The following LTBP1 variants were observed in gnomAD, a reference collection of about 807,000 sequenced individuals.
LTBP1 encodes the protein latent transforming growth factor beta binding protein 1.
A neutral mutation model predicts 207.6 loss-of-function variants in LTBP1; 129 were observed. The observed-to-expected ratio is 0.62, with a 90% CI of 0.54 to 0.72. The LOEUF (loss-of-function observed/expected upper bound fraction) is 0.72, where lower values mean the gene tolerates loss of function less well. Among genes scored for constraint, LTBP1 ranks in the 30% least tolerant of loss-of-function variants. The pLI is 0.00. For missense variants in LTBP1, 2,281 were observed against 2,217.2 expected (o/e 1.03, Z -0.58); for synonymous variants, 963 against 833.7 (o/e 1.16, Z -2.67).
chr2:32,955,894 G>A (rs1360035479), intron 2 of LTBP1, among the ~76,000 whole-genome samples: 1 of 152,128 alleles, frequency 6.6e-6, no homozygotes, highest in Admixed American at 6.5e-5. Flanking sequence ...GGTTGTATTT[G>A]CAAGCATACC....
intron 20 of LTBP1, among the ~76,000 whole-genome samples, chr2:33,297,338 T>C (rs1197912911): frequency 6.6e-6 from 1 of 152,160 alleles, no homozygotes; most frequent in African/African-American, 2.4e-5. Flanking sequence ...TGTTCCCTTT[T>C]TTTTGCAGAT....
intron 2 of LTBP1, among the ~76,000 whole-genome samples, chr2:33,010,463 G>C (rs1687520818): frequency 6.6e-6 from 1 of 152,166 alleles, no homozygotes; most frequent in Non-Finnish European, 1.5e-5. Context: ...TAGCAGAGTA[G>C]GTGGCTAAAG....
In LTBP1 at chr2:33,337,739, A is replaced by G. The variant is rs1161119421; in HGVS notation, c.3731-5099A>G. Reference sequence around the variant, plus strand: ...CTAAGCAAAATTGCTTGGTAGTTTTAACAGAATCACCCTTCATTAAGTGAA... The same window carrying G: ...CTAAGCAAAATTGCTTGGTAGTTTTGACAGAATCACCCTTCATTAAGTGAA... On this transcript the variant is annotated intron_variant, in intron 24 of 33. Coordinates refer to ENST00000404816, the MANE Select transcript of LTBP1 (RefSeq NM_206943.4). Among the ~76,000 whole-genome samples, 3 of 152,196 alleles carry G rather than the reference A, an allele frequency of 2.0e-5. No individual in the cohort carries two copies. The East Asian group carries it at 5.8e-4, about 29-fold the overall frequency.
At chr2:33,023,432 C>G (rs542371708) in intron 3 of LTBP1, among the ~76,000 whole-genome samples, 174 of 152,142 alleles carry the variant, frequency 1.1e-3, no homozygotes, top group African/African-American at 4.1e-3. Flanking sequence ...TGTTGTGAGT[C>G]AAAGAGGAGG....
At chr2:33,209,104 C>T (rs887599816) in intron 7 of LTBP1, among the ~76,000 whole-genome samples, 4 of 151,958 alleles carry the variant, frequency 2.6e-5, no homozygotes, top group African/African-American at 7.3e-5. Context: ...AACTCCTGAC[C>T]TCAAGTGACC....
rs753783260 is a variant in LTBP1 at position 33,134,451 on chromosome 2, T to TA, written c.1034-342_1034-341insA. Reference sequence around the variant, plus strand: ...GCCTGTCAGGGTTGGCTCTTTAATCTGTCGTGCCCTCGGTATTGCTCTTTG... The same window carrying TA: ...GCCTGTCAGGGTTGGCTCTTTAATCTAGTCGTGCCCTCGGTATTGCTCTTTG... On this transcript the variant is annotated intron_variant, in intron 4 of 33. Transcript: ENST00000404816. This position sits in a 1 kb window ranked among gnomAD's most constrained non-coding sequence, Gnocchi z 4.4. 22 of 874,696 alleles carry TA rather than the reference T, an allele frequency of 2.5e-5. No individual in the cohort carries two copies. Among genetic ancestry groups the TA allele is most frequent in the Middle Eastern group, 4.9e-4 (2 of 4,120 alleles). 54.2% of individuals were successfully genotyped at this position (874,696 alleles called of 1,614,324 possible).
chr2:33,021,260 A>G, intron 3 of LTBP1, 54 bp downstream of exon 3: 1 of 1,485,130 alleles, frequency 6.7e-7, no homozygotes, highest in African/African-American at 1.4e-5. Flanking sequence ...ACTCTCTTGG[A>G]TGCCTTGCTT....
chr2:33,162,762 C>T (rs773816115), intron 5 of LTBP1, among the ~76,000 whole-genome samples: 8 of 151,944 alleles, frequency 5.3e-5, no homozygotes, highest in Non-Finnish European at 7.4e-5. Flanking sequence ...TTGTTCTTTT[C>T]GTTAAAGGGA....
intron 5 of LTBP1, among the ~76,000 whole-genome samples, chr2:33,151,305 T>C (rs1226142208): frequency 1.3e-5 from 2 of 152,202 alleles, no homozygotes; most frequent in Non-Finnish European, 2.9e-5. Flanking sequence ...ATTCTCTGTT[T>C]AACATTTTGA....
intron 3 of LTBP1, among the ~76,000 whole-genome samples, chr2:33,033,610 G>A (rs2075784596): frequency 6.8e-6 from 1 of 147,506 alleles, no homozygotes; most frequent in Non-Finnish European, 1.5e-5. Flanking sequence ...GGGGAAAAAA[G>A]GGACTTTTTT....
At chr2:33,278,067 C>T (rs1401400099) in intron 18 of LTBP1, among the ~76,000 whole-genome samples, 3 of 151,552 alleles carry the variant, frequency 2.0e-5, no homozygotes, top group South Asian at 2.1e-4. Flanking sequence ...CTCCTGACCT[C>T]GTGATCTGCC....
chr2:33,258,242 T>C (rs979731080), intron 12 of LTBP1, among the ~76,000 whole-genome samples: 12 of 152,226 alleles, frequency 7.9e-5, no homozygotes, highest in African/African-American at 2.7e-4. Context: ...TCACATATCT[T>C]GCTTACAAAG....
At chr2:33,328,735 C>G (rs542354882) in intron 24 of LTBP1, among the ~76,000 whole-genome samples, 2 of 152,320 alleles carry the variant, frequency 1.3e-5, no homozygotes, top group African/African-American at 2.4e-5. Context: ...GGTGGGGACA[C>G]AGCCAAACCA....
chr2:33,137,484 C>G (rs2082236660), intron 5 of LTBP1, among the ~76,000 whole-genome samples: 1 of 152,128 alleles, frequency 6.6e-6, no homozygotes, highest in Admixed American at 6.5e-5. Flanking sequence ...GCTACTCAAC[C>G]CTGCCATCAT....
At chr2:33,069,832 G>A (rs536518820) in intron 3 of LTBP1, among the ~76,000 whole-genome samples, 1 of 152,326 alleles carries the variant, frequency 6.6e-6, no homozygotes, top group South Asian at 2.1e-4. Flanking sequence ...GGTGGGCACA[G>A]TGCTTATGAC....
chr2:33,257,406 C>G lies in LTBP1; in HGVS notation c.2290C>G (p.Pro764Ala). 6.2e-7 allele frequency: 1 copy of G among 1,614,224 alleles called. No homozygotes were observed. ...ATTTGTCAAGCCAAAGAACACTCAA[C>G]CTGTTGCTAAAAGTACTCATCCTCC... ...PVFVKPKNTQPVAKSTHPPPL... is the reference protein window; with the variant it reads ...PVFVKPKNTQAVAKSTHPPPL... The change falls in exon 12 of 34, where the codon CCT becomes GCT. Residue 764 changes from proline (P) to alanine (A), a missense_variant. Coordinates refer to ENST00000404816, the MANE Select transcript of LTBP1 (RefSeq NM_206943.4).
chr2:33,192,370 C>T (rs1232402175), intron 7 of LTBP1, among the ~76,000 whole-genome samples: 4 of 152,010 alleles, frequency 2.6e-5, no homozygotes, highest in African/African-American at 9.7e-5. Flanking sequence ...GTGTTCTTGC[C>T]AAATATATCT....
chr2:33,026,787 G>T (rs1184028279), intron 3 of LTBP1, among the ~76,000 whole-genome samples: 1 of 152,174 alleles, frequency 6.6e-6, no homozygotes, highest in Non-Finnish European at 1.5e-5. Context: ...AACTTAAAAA[G>T]ATGTTAAATT....
At chr2:33,201,902 G>C (rs17012655) in intron 7 of LTBP1, among the ~76,000 whole-genome samples, 12,278 of 152,114 alleles carry the variant, frequency 0.081, 1,070 homozygotes, top group African/African-American at 0.22. Context: ...CAGCAGTTCT[G>C]TTTGGACAGG....
Sources: gnomAD v4.1 joint callset for allele counts (sites outside exome capture counted in the v4.1 genomes callset) on GRCh38, gnomAD v4.1.1 for gene constraint, Gnocchi (gnomAD v3.1) non-coding constraint, MANE v1.5 for transcripts, NCBI Gene and HGNC (gene_info 2026-07-23, HGNC 2026-07-21) for gene names.